Variants in TOP1MT observed in about 807,000 individuals in gnomAD.
TOP1MT encodes DNA topoisomerase I, mitochondrial.
A neutral mutation model predicts 73.9 loss-of-function variants in TOP1MT; 80 were observed. The observed-to-expected ratio is 1.08, with a 90% CI of 0.90 to 1.30. TOP1MT has a LOEUF of 1.30. TOP1MT is among the 50% of genes most tolerant of loss of function. The pLI is 0.00. For missense variants in TOP1MT, 815 were observed against 808.0 expected (o/e 1.01, Z -0.10); for synonymous variants, 338 against 326.4 (o/e 1.04, Z -0.38).
In TOP1MT at chr8:143,309,942, G is replaced by C. The variant is rs772490968; in HGVS notation, c.1703+126C>G. On this transcript the variant is annotated intron_variant, in intron 13 of 13. Coordinates refer to ENST00000329245, the MANE Select transcript of TOP1MT (RefSeq NM_052963.3). ...CTCAGCATCATGGGTCCCTGTCACA[G>C]GGAGGGCCTGTGCTGACCCCAGGGG... 48 of 1,596,562 alleles carry C rather than the reference G, an allele frequency of 3.0e-5. No individual in the cohort carries two copies. The South Asian group carries it at 5.2e-4, about 17-fold the overall frequency.
chr8:143,342,088 T>TTATTATTAGAGA (rs1554622672), intron 2 of TOP1MT, among the ~76,000 whole-genome samples: 4,927 of 123,824 alleles, frequency 0.04, 1,349 homozygotes, highest in African/African-American at 0.19. Context: ...ATTATTATTA[T>TTATTATTAGAGA]TAGAGTCTCG....
chr8:143,321,917 C>CCA (rs1278035915), intron 7 of TOP1MT, among the ~76,000 whole-genome samples: 1 of 91,610 alleles, frequency 1.1e-5, no homozygotes, highest in Non-Finnish European at 2.2e-5. Flanking sequence ...CACAGGCACG[C>CCA]CACACACATG....
upstream of TOP1MT, among the ~76,000 whole-genome samples, chr8:143,346,358 T>C (rs1385531559): frequency 6.6e-6 from 1 of 152,226 alleles, no homozygotes. Context: ...TAATGGGATA[T>C]TGAGACACCC....
chr8:143,309,731 T>C (rs1586744676), intron 13 of TOP1MT, 188 bp from the exon 14 acceptor site: 2 of 1,529,374 alleles, frequency 1.3e-6, no homozygotes, highest in Non-Finnish European at 1.8e-6. Flanking sequence ...ATCAGCGAGG[T>C]GTCAAAGACA....
chr8:143,322,189 G>C (rs1234248563), intron 7 of TOP1MT, among the ~76,000 whole-genome samples: 78 of 19,436 alleles, frequency 4.0e-3, no homozygotes, highest in Non-Finnish European at 6.0e-3. Context: ...ACGCCACACA[G>C]GCACGCCACA....
chr8:143,333,619 G>A (rs893590728), intron 1 of TOP1MT, among the ~76,000 whole-genome samples: 23 of 152,288 alleles, frequency 1.5e-4, no homozygotes, highest in African/African-American at 4.8e-4. Flanking sequence ...CTGGGTGTGC[G>A]CTCAAGCCCA....
chr8:143,322,956 A>ACACGCACGCCACACACG (rs1283825844), intron 7 of TOP1MT, among the ~76,000 whole-genome samples: 1 of 95,348 alleles, frequency 1.0e-5, no homozygotes, highest in Non-Finnish European at 2.1e-5. Flanking sequence ...CACACGCCAC[A>ACACGCACGCCACACACG]CACGCACGCC....
At position 143,334,727 on chromosome 8, in the gene TOP1MT, T is replaced by C. The variant is rs1182746837; in HGVS notation, c.122+13A>G. On this transcript the variant is annotated intron_variant, in intron 1 of 13. Transcript: ENST00000329245. The stretch of plus-strand genomic sequence containing the variant: ...CTCAGGGCCCTCGCCGCCTGCTCAC[T>C]GGGACACCTTACCTGGCTCCACTGC... The C allele has an allele frequency of 1.2e-6, 2 of 1,600,128 alleles. No individual in the cohort carries two copies. The highest frequency in any genetic ancestry group is 1.7e-5 in the Admixed American group (1 of 59,530).
intron 2 of TOP1MT, 93 bp downstream of exon 2, chr8:143,331,131 G>C: frequency 1.0e-6 from 1 of 971,516 alleles, no homozygotes; most frequent in Non-Finnish European, 1.6e-6. Flanking sequence ...GAAGCCTGCA[G>C]GGGGGCTGAG....
At chr8:143,322,724 G>C (rs1444536448) in intron 7 of TOP1MT, among the ~76,000 whole-genome samples, 3 of 6,438 alleles carry the variant, frequency 4.7e-4, no homozygotes, top group African/African-American at 2.3e-3. Context: ...GCCACACACA[G>C]GCACGCCACA....
chr8:143,325,099 T>A (rs1816668408), intron 5 of TOP1MT, among the ~76,000 whole-genome samples: 1 of 152,210 alleles, frequency 6.6e-6, no homozygotes, highest in Non-Finnish European at 1.5e-5. Context: ...GAAAACCACA[T>A]GGAGGTGTCC....
intron 2 of TOP1MT, 138 bp from the exon 3 acceptor site, chr8:143,329,609 C>T: frequency 9.6e-7 from 1 of 1,040,544 alleles, no homozygotes; most frequent in Non-Finnish European, 1.4e-6. Flanking sequence ...TCTGTAAGTT[C>T]AGAAGCATGT....
At chr8:143,336,795 C>T (rs900715872), upstream of TOP1MT, among the ~76,000 whole-genome samples, 97 of 151,960 alleles carry the variant, frequency 6.4e-4, 1 homozygote, top group African/African-American at 2.2e-3. Flanking sequence ...CCAGCCTGGG[C>T]AACATAGTGA....
chr8:143,345,175 G>A (rs754765638), upstream of TOP1MT, among the ~76,000 whole-genome samples: 1 of 152,120 alleles, frequency 6.6e-6, no homozygotes, highest in South Asian at 2.1e-4. Context: ...CCCAGTCCCC[G>A]GACACAGACA....
intron 12 of TOP1MT, among the ~76,000 whole-genome samples, chr8:143,315,269 G>C (rs185621542): frequency 6.6e-6 from 1 of 152,242 alleles, no homozygotes; most frequent in Admixed American, 6.5e-5. Context: ...GTTCCATCCT[G>C]TACACCTGGC....
chr8:143,325,590 A>C, intron 4 of TOP1MT, 57 bp from the exon 5 acceptor site: 1 of 1,532,002 alleles, frequency 6.5e-7, no homozygotes, highest in Non-Finnish European at 8.9e-7. Flanking sequence ...AACAGGCCTC[A>C]GTCCGTTGTT....
At chr8:143,354,654 GTGAGCCGAGA>G (rs1380120954) in intron 1 of TOP1MT, among the ~76,000 whole-genome samples, 1 of 152,126 alleles carries the variant, frequency 6.6e-6, no homozygotes, top group East Asian at 1.9e-4. Flanking sequence ...GGAGGTTGCG[GTGAGCCGAGA>G]TAGTGCCATT....
upstream of TOP1MT, among the ~76,000 whole-genome samples, chr8:143,338,266 TA>T (rs1221540565): frequency 2.0e-5 from 3 of 151,702 alleles, no homozygotes; most frequent in Non-Finnish European, 2.9e-5. Context: ...CTCCATCTCT[TA>T]AAAAAAAATT....
chr8:143,349,023 G>A (rs1443423104), upstream of TOP1MT, among the ~76,000 whole-genome samples: 2 of 152,174 alleles, frequency 1.3e-5, no homozygotes, highest in East Asian at 1.9e-4. Flanking sequence ...GCAGAACCGC[G>A]GTCTCCAGGG....
Sources: gnomAD v4.1 joint callset for allele counts (sites outside exome capture counted in the v4.1 genomes callset) on GRCh38, gnomAD v4.1.1 for gene constraint, MANE v1.5 for transcripts, NCBI Gene and HGNC (gene_info 2026-07-23, HGNC 2026-07-21) for gene names.